Variants in SYT14 observed in about 807,000 individuals in gnomAD.
SYT14 encodes synaptotagmin-14.
SYT14 carries 32 observed loss-of-function variants against 74.2 expected under a neutral mutation model. The observed-to-expected ratio is 0.43, with a 90% CI of 0.33 to 0.58. The LOEUF is 0.58. SYT14 is among the 20% of genes least tolerant of loss of function. The probability of loss-of-function intolerance (pLI) is 0.05; values close to 1 mark genes in which losing one functional copy is unlikely to be tolerated. For missense variants in SYT14, 791 were observed against 981.8 expected, an observed-to-expected ratio of 0.81 and a Z score of 2.60; for synonymous variants, 298 against 337.7, an observed-to-expected ratio of 0.88 and a Z score of 1.29.
chr1:209,982,250 G>T (rs1216165635), intron 2 of SYT14, among the ~76,000 whole-genome samples: 1 of 151,990 alleles, frequency 6.6e-6, no homozygotes, highest in South Asian at 2.1e-4. Flanking sequence ...TGATCTTTTG[G>T]TCTCAGGTGA....
At chr1:210,160,671 A>C in intron 9 of SYT14, 58 bp from the exon 9 acceptor site, 1 of 1,473,920 alleles carries the variant, frequency 6.8e-7, no homozygotes, top group Non-Finnish European at 9.4e-7. Flanking sequence ...GCCTATAAAA[A>C]ATTGTTTTGA....
At chr1:209,979,357 A>C (rs1226196828) in intron 2 of SYT14, among the ~76,000 whole-genome samples, 1 of 151,922 alleles carries the variant, frequency 6.6e-6, no homozygotes, top group African/African-American at 2.4e-5. Flanking sequence ...CACCTGATAG[A>C]TCTTTCTTCC....
intron 1 of SYT14, among the ~76,000 whole-genome samples, chr1:209,948,926 C>G (rs946830889): frequency 6.6e-6 from 1 of 152,102 alleles, no homozygotes; most frequent in Non-Finnish European, 1.5e-5. Flanking sequence ...GAAGATTAGT[C>G]TCTTCCCAAA....
rs1332700026 is a variant in SYT14, at chr1:209,952,577, A to G, written c.-533-132A>G. 7.3e-6 allele frequency: 5 copies of G among 689,216 alleles called. No homozygotes were observed. In the African/African-American group the frequency reaches 9.0e-5, roughly 12 times the overall value. 42.7% of individuals were successfully genotyped at this position (689,216 alleles called of 1,614,324 possible). ...ATTAGGCTATAATATTCATTTAGTTAAGTATAAAGAGAAGAGTTAGGGAAA... is the reference window on the plus strand; with the variant it reads ...ATTAGGCTATAATATTCATTTAGTTGAGTATAAAGAGAAGAGTTAGGGAAA... On this transcript the variant is annotated intron_variant, in intron 1 of 9. Transcript: ENST00000637265.
chr1:210,094,798 C>T (rs1208093310), intron 6 of SYT14, among the ~76,000 whole-genome samples: 2 of 152,110 alleles, frequency 1.3e-5, no homozygotes, highest in African/African-American at 4.8e-5. Flanking sequence ...CTCCCCAACC[C>T]CAAGCCCCAC....
intron 5 of SYT14, among the ~76,000 whole-genome samples, chr1:210,088,364 G>A (rs1026373373): frequency 1.3e-5 from 2 of 151,826 alleles, no homozygotes; most frequent in African/African-American, 4.8e-5. Context: ...CCCACTTGCT[G>A]ACAGGCCGTG....
At position 210,161,897 on chromosome 1, in the gene SYT14, A is replaced by G; in HGVS notation, c.*855A>G. The G allele has an allele frequency of 6.6e-6, 3 of 451,558 alleles. 1 individual carries two copies. The highest frequency in any genetic ancestry group is 4.7e-5 in the South Asian group (3 of 64,122). The allele number at this position is 451,558 out of a possible 1,614,324, so 28.0% of individuals were successfully genotyped here. A position where few individuals can be genotyped will look rare whatever the true frequency, so the allele number is the denominator to read the frequency against. ...AATTTCTTTCAGTGATTGACTCTTC[A>G]AAATTGCAGTAGTGTGAAAATACAT... On this transcript the variant is annotated 3_prime_UTR_variant, in exon 10 of 10. Transcript: ENST00000637265.
At chr1:210,142,552 A>G (rs1174171845) in intron 7 of SYT14, among the ~76,000 whole-genome samples, 2 of 152,186 alleles carry the variant, frequency 1.3e-5, no homozygotes, top group African/African-American at 2.4e-5. Context: ...TCTGATGTCC[A>G]TATGCTGGCA....
intron 5 of SYT14, among the ~76,000 whole-genome samples, chr1:210,027,013 C>G (rs753206733): frequency 2.0e-5 from 3 of 151,858 alleles, no homozygotes; most frequent in Non-Finnish European, 4.4e-5. Flanking sequence ...GGCACTGATC[C>G]CCCCATTCAG....
rs999820333 is a variant in SYT14 at position 209,971,547 on chromosome 1, AG to A, written c.-486+18793del. ...GTCATAGATGGGTCTTATTATTTTGAGGTATGTTCCTTTTGCTGCCTAGTTT... is the reference window on the plus strand; with the variant it reads ...GTCATAGATGGGTCTTATTATTTTGAGTATGTTCCTTTTGCTGCCTAGTTT... On this transcript the variant is annotated intron_variant, in intron 2 of 9. Transcript: ENST00000637265. Among the ~76,000 whole-genome samples, 80 of 152,024 alleles carry A rather than the reference AG, an allele frequency of 5.3e-4. 1 individual carries two copies. Among genetic ancestry groups the A allele is most frequent in the Non-Finnish European group, 2.9e-5 (2 of 68,000 alleles).
chr1:210,032,985 A>T (rs954085374), intron 5 of SYT14, among the ~76,000 whole-genome samples: 10 of 151,784 alleles, frequency 6.6e-5, no homozygotes, highest in Non-Finnish European at 1.5e-4. Flanking sequence ...TCATTCAGAT[A>T]TTCTTTCTTT....
At chr1:210,061,709 A>C (rs1019666487) in intron 5 of SYT14, among the ~76,000 whole-genome samples, 1 of 151,920 alleles carries the variant, frequency 6.6e-6, no homozygotes, top group African/African-American at 2.4e-5. Flanking sequence ...ATTTAAATGA[A>C]ACTAACTTTA....
At chr1:209,975,212 C>T (rs1417418099) in intron 2 of SYT14, among the ~76,000 whole-genome samples, 2 of 152,132 alleles carry the variant, frequency 1.3e-5, no homozygotes, top group Non-Finnish European at 2.9e-5. Flanking sequence ...ATTTCCTTCT[C>T]CTGCCTGATT....
intron 5 of SYT14, among the ~76,000 whole-genome samples, chr1:210,030,132 TTTTTTG>T (rs112355766): frequency 2.0e-4 from 31 of 151,492 alleles, no homozygotes; most frequent in African/African-American, 4.6e-4. Context: ...TTTATTAGTT[TTTTTTG>T]TTTTTGTTTT....
intron 2 of SYT14, among the ~76,000 whole-genome samples, chr1:210,000,969 A>G (rs1392611576): frequency 6.6e-6 from 1 of 152,060 alleles, no homozygotes; most frequent in Non-Finnish European, 1.5e-5. Context: ...AGACTGAATT[A>G]TGTTTTTCAT....
chr1:210,158,436 C>G (rs2083310235), intron 8 of SYT14, among the ~76,000 whole-genome samples: 1 of 152,126 alleles, frequency 6.6e-6, no homozygotes, highest in African/African-American at 2.4e-5. Flanking sequence ...GCCACTCATG[C>G]TTTAGCTAAT....
intron 6 of SYT14, among the ~76,000 whole-genome samples, chr1:210,096,923 C>A (rs1005477387): frequency 6.6e-6 from 1 of 152,158 alleles, no homozygotes; most frequent in Non-Finnish European, 1.5e-5. Flanking sequence ...ATGAATTCTG[C>A]CTATGTCTCA....
At chr1:210,046,370 T>G (rs1413191053) in intron 5 of SYT14, among the ~76,000 whole-genome samples, 9 of 152,102 alleles carry the variant, frequency 5.9e-5, no homozygotes, top group Admixed American at 5.9e-4. Context: ...CAAGACTCAG[T>G]CTCAAGTAGA....
chr1:209,952,997 G>C (rs2078936162), intron 2 of SYT14: 1 of 1,418,414 alleles, frequency 7.1e-7, no homozygotes, highest in Non-Finnish European at 9.4e-7. Context: ...TAGCATATTG[G>C]TTGTTAGACA....
Sources: allele counts gnomAD v4.1 joint callset (sites outside exome capture counted in the v4.1 genomes callset), GRCh38; gene constraint gnomAD v4.1.1; transcripts MANE v1.5; gene names NCBI Gene and HGNC (gene_info 2026-07-23, HGNC 2026-07-21).